The following RHOU variants were observed in gnomAD, a reference collection of about 807,000 sequenced individuals.
RHOU encodes the protein ras homolog family member U.
A neutral mutation model predicts 12.6 loss-of-function variants in RHOU; 8 were observed. The observed-to-expected ratio is 0.64, with a 90% CI of 0.37 to 1.15. RHOU has a LOEUF of 1.15. Among genes scored for constraint, RHOU ranks in the 50% most tolerant of loss-of-function variants. The pLI is 0.01. For synonymous variants in RHOU, 161 were observed against 147.4 expected (o/e 1.09, Z -0.67); for missense variants, 258 against 347.0 (o/e 0.74, Z 2.04).
At chr1:228,691,202 T>C in the RHOU span, among the ~76,000 whole-genome samples, 1 of 152,200 alleles carries the variant, frequency 6.6e-6, no homozygotes, top group Non-Finnish European at 1.5e-5. Flanking sequence ...ACTATCAGCA[T>C]TTCCTACAGA....
chr1:228,683,922 G>A, the RHOU span, among the ~76,000 whole-genome samples: 24 of 152,388 alleles, frequency 1.6e-4, no homozygotes, highest in South Asian at 4.1e-4. Flanking sequence ...CAGATCCTTA[G>A]AAGACAATTG....
chr1:228,692,470 C>T, the RHOU span, among the ~76,000 whole-genome samples: 7 of 152,136 alleles, frequency 4.6e-5, no homozygotes, highest in Non-Finnish European at 4.4e-5. Context: ...ACATACCTGT[C>T]CCTGCTCTGT....
At chr1:228,713,135 A>G in the RHOU span, among the ~76,000 whole-genome samples, 13 of 152,036 alleles carry the variant, frequency 8.6e-5, no homozygotes, top group Non-Finnish European at 4.4e-5. Context: ...TTTTTATGCT[A>G]TTGGGTTGAC....
chr1:228,736,279 A>AC (rs1662610467), intron 1 of RHOU, among the ~76,000 whole-genome samples: 1 of 151,804 alleles, frequency 6.6e-6, no homozygotes, highest in Non-Finnish European at 1.5e-5. Context: ...AAAAAAAAAA[A>AC]ATCTCACAAT....
the RHOU span, among the ~76,000 whole-genome samples, chr1:228,649,722 G>A: frequency 7.9e-5 from 12 of 152,158 alleles, no homozygotes; most frequent in African/African-American, 2.9e-4. Flanking sequence ...GTTCCAGAGG[G>A]CCCTGAAACT....
At chr1:228,739,562 C>CA (rs953773759) in intron 2 of RHOU, among the ~76,000 whole-genome samples, 6 of 151,680 alleles carry the variant, frequency 4.0e-5, no homozygotes, top group South Asian at 2.1e-4. Context: ...GATTCCATCT[C>CA]AAAAAAAATA....
the RHOU span, among the ~76,000 whole-genome samples, chr1:228,701,910 T>C: frequency 2.6e-5 from 4 of 151,868 alleles, no homozygotes; most frequent in Non-Finnish European, 4.4e-5. Flanking sequence ...TAATTTTAAC[T>C]CTTAGTCACC....
the RHOU span, among the ~76,000 whole-genome samples, chr1:228,712,312 A>G: frequency 2.7e-5 from 4 of 148,984 alleles, no homozygotes; most frequent in East Asian, 8.0e-4. Flanking sequence ...ATTACTGGGT[A>G]TATACCCAAA....
chr1:228,696,969 A>G, the RHOU span, among the ~76,000 whole-genome samples: 1 of 152,154 alleles, frequency 6.6e-6, no homozygotes, highest in African/African-American at 2.4e-5. Flanking sequence ...TGAGAGAGTA[A>G]AAGTCCCCCT....
the RHOU span, among the ~76,000 whole-genome samples, chr1:228,658,057 ATTGT>A: frequency 4.6e-5 from 7 of 152,136 alleles, no homozygotes; most frequent in East Asian, 1.9e-4. Context: ...AGACTGGCAG[ATTGT>A]TTGAGCCCAG....
At chr1:228,697,154 C>G in the RHOU span, among the ~76,000 whole-genome samples, 1 of 152,136 alleles carries the variant, frequency 6.6e-6, no homozygotes, top group Non-Finnish European at 1.5e-5. Flanking sequence ...CTTCTGCATG[C>G]TGAATATGCT....
upstream of RHOU, chr1:228,735,206 G>T: frequency 6.6e-6 from 1 of 152,422 alleles, no homozygotes; most frequent in Non-Finnish European, 1.5e-5. The surrounding 1 kb of genome is among the most constrained non-coding windows in gnomAD (Gnocchi z 8.1). Context: ...GCGGAGGCTG[G>T]CCCGGCTCCT....
rs755193943 is a variant in RHOU at position 228,735,916 on chromosome 1, C to G, written c.174C>G (p.Gly58=). 1.3e-6 allele frequency: 2 copies of G among 1,560,460 alleles called. No individual in the cohort carries two copies. The highest frequency in any genetic ancestry group is 1.7e-6 in the Non-Finnish European group (2 of 1,157,798). The change falls in exon 1 of 3, where the codon GGC becomes GGG. Residue 58 remains glycine, a synonymous_variant. Transcript: ENST00000366691. The surrounding 1 kb of genome is among the most constrained non-coding windows in gnomAD (Gnocchi z 8.1). ...TCAAGTGCGTGCTGGTCGGCGACGG[C>G]GCGGTGGGCAAGACGAGCCTGGTGG... is the stretch of plus-strand genomic sequence containing the variant. ...RGVKCVLVGD[G]AVGKTSLVVS...
chr1:228,653,558 A>T, the RHOU span, among the ~76,000 whole-genome samples: 6 of 152,262 alleles, frequency 3.9e-5, no homozygotes, highest in African/African-American at 1.4e-4. Context: ...ACCTCAGGTG[A>T]TCCACCCACT....
chr1:228,736,601 T>A lies in RHOU; in HGVS notation c.262+597T>A, dbSNP rs898921453. ...TGAAGAGTAAACACCATTTCTTTCT[T>A]CTGAGCCCCACCACCTTCCCTGCCC... On this transcript the variant is annotated intron_variant, in intron 1 of 2. Coordinates refer to ENST00000366691, the MANE Select transcript of RHOU (RefSeq NM_021205.6). 7.0e-4 allele frequency among the ~76,000 whole-genome samples: 107 copies of A among 152,284 alleles called. 1 individual carries two copies. Among genetic ancestry groups the A allele is most frequent in the Admixed American group, 2.7e-3 (41 of 15,310 alleles).
the RHOU span, among the ~76,000 whole-genome samples, chr1:228,678,880 C>A: frequency 3.1e-3 from 465 of 152,126 alleles, 3 homozygotes; most frequent in African/African-American, 0.011. Flanking sequence ...GTGGCAGCCA[C>A]CCCACGCAGA....
the RHOU span, among the ~76,000 whole-genome samples, chr1:228,660,749 C>T: frequency 1.3e-5 from 2 of 151,760 alleles, no homozygotes; most frequent in African/African-American, 4.8e-5. Flanking sequence ...ACCTAACCAA[C>T]ATGGAGAAAC....
At chr1:228,707,493 C>T in the RHOU span, among the ~76,000 whole-genome samples, 1 of 151,460 alleles carries the variant, frequency 6.6e-6, no homozygotes, top group Non-Finnish European at 1.5e-5. Context: ...CAAGTGGGTC[C>T]CTGACCCCTG....
the RHOU span, among the ~76,000 whole-genome samples, chr1:228,667,090 G>A: frequency 6.6e-6 from 1 of 152,170 alleles, no homozygotes; most frequent in African/African-American, 2.4e-5. Flanking sequence ...TGTAGTCAGG[G>A]TGAAATAAAC....
Sources: allele counts gnomAD v4.1 joint callset (sites outside exome capture counted in the v4.1 genomes callset), GRCh38; gene constraint gnomAD v4.1.1; non-coding constraint Gnocchi (gnomAD v3.1); transcripts MANE v1.5; gene names NCBI Gene and HGNC (gene_info 2026-07-23, HGNC 2026-07-21).